PDE10A: variants seen among roughly 807,000 people sequenced by gnomAD.
PDE10A encodes the protein phosphodiesterase 10A.
PDE10A carries 39 observed loss-of-function variants against 97.7 expected under a neutral mutation model. The observed-to-expected ratio is 0.40, with a 90% CI of 0.31 to 0.52. The LOEUF is 0.52. Among genes scored for constraint, PDE10A ranks in the 20% least tolerant of loss-of-function variants. PDE10A has a pLI of 0.56. For synonymous variants in PDE10A, 371 were observed against 376.8 expected, an observed-to-expected ratio of 0.98 and a Z score of 0.18; for missense variants, 731 against 1,047.8, an observed-to-expected ratio of 0.70 and a Z score of 4.17.
intron 1 of PDE10A, among the ~76,000 whole-genome samples, chr6:165,624,899 G>A (rs73786685): frequency 0.011 from 1,722 of 152,360 alleles, 31 homozygotes; most frequent in African/African-American, 0.039. Context: ...GAGTTAGTCT[G>A]GGGAGACCCG....
intron 3 of PDE10A, among the ~76,000 whole-genome samples, chr6:165,460,221 C>A (rs1451691180): frequency 1.3e-5 from 2 of 152,134 alleles, no homozygotes; most frequent in African/African-American, 2.4e-5. Flanking sequence ...CCCTTGCCAG[C>A]GGGTACAATA....
At chr6:165,751,240 G>T (rs1173991410) in intron 1 of PDE10A, among the ~76,000 whole-genome samples, 1 of 152,196 alleles carries the variant, frequency 6.6e-6, no homozygotes, top group African/African-American at 2.4e-5. Context: ...TTGGCCCTTG[G>T]ATTCTATGAG....
chr6:165,958,569 GACA>G (rs1784238793), intron 1 of PDE10A, among the ~76,000 whole-genome samples: 1 of 13,344 alleles, frequency 7.5e-5, no homozygotes, highest in Non-Finnish European at 1.7e-4. Flanking sequence ...AAGAAAGACA[GACA>G]GAAAGAAAGA....
At chr6:165,965,351 G>A (rs558189844) in intron 1 of PDE10A, among the ~76,000 whole-genome samples, 1 of 152,186 alleles carries the variant, frequency 6.6e-6, no homozygotes. Context: ...CACTGGTGGG[G>A]CAGACACAAG....
intron 1 of PDE10A, among the ~76,000 whole-genome samples, chr6:165,891,067 G>A (rs1478872122): frequency 3.3e-5 from 5 of 152,166 alleles, no homozygotes; most frequent in Non-Finnish European, 7.3e-5. Context: ...GTTGAAGCCC[G>A]TGGAGAGGAT....
intron 2 of PDE10A, among the ~76,000 whole-genome samples, chr6:165,511,817 T>C (rs1030541820): frequency 1.3e-5 from 2 of 152,094 alleles, no homozygotes; most frequent in Non-Finnish European, 2.9e-5. Flanking sequence ...CTGTTTTATC[T>C]GATGTAAGTA....
At chr6:165,889,746 C>G (rs1037430097) in intron 1 of PDE10A, among the ~76,000 whole-genome samples, 5 of 152,048 alleles carry the variant, frequency 3.3e-5, no homozygotes, top group African/African-American at 1.2e-4. Flanking sequence ...TCTAGACTAA[C>G]ACGGCACAGG....
At chr6:165,688,773 A>G (rs1791192335) in intron 1 of PDE10A, among the ~76,000 whole-genome samples, 1 of 152,168 alleles carries the variant, frequency 6.6e-6, no homozygotes, top group Non-Finnish European at 1.5e-5. Context: ...AAACTCTAAA[A>G]AGCCATCCAA....
chr6:165,797,018 T>G (rs1778848357), intron 1 of PDE10A, among the ~76,000 whole-genome samples: 1 of 152,240 alleles, frequency 6.6e-6, no homozygotes. Flanking sequence ...ACTGGAATAC[T>G]TTGAGAGTGA....
chr6:165,862,802 C>A lies in PDE10A; in HGVS notation c.-615+124727G>T, dbSNP rs565492233. On this transcript the variant is annotated intron_variant, in intron 1 of 19. Transcript: ENST00000366882. ...CAAGCAATTCTCCTGCCTCAGCCTC[C>A]CAAGTAGCTGGGACTACAGGCATGC... Among the ~76,000 whole-genome samples, 35 of 152,158 alleles carry A rather than the reference C, an allele frequency of 2.3e-4. 1 individual carries two copies. The South Asian group carries it at 7.3e-3, about 32-fold the overall frequency.
At chr6:165,914,180 A>G (rs1782541731) in intron 1 of PDE10A, among the ~76,000 whole-genome samples, 1 of 152,234 alleles carries the variant, frequency 6.6e-6, no homozygotes, top group Non-Finnish European at 1.5e-5. Flanking sequence ...AAGCTGTGTT[A>G]TCACACAGCT....
intron 1 of PDE10A, among the ~76,000 whole-genome samples, chr6:165,946,046 G>A (rs886791917): frequency 7.1e-6 from 1 of 141,458 alleles, no homozygotes; most frequent in Non-Finnish European, 1.5e-5. Flanking sequence ...TGCTTTTGTT[G>A]CCTGTGCTTT....
At chr6:165,846,516 C>G (rs1368965188) in intron 1 of PDE10A, among the ~76,000 whole-genome samples, 1 of 152,238 alleles carries the variant, frequency 6.6e-6, no homozygotes, top group Non-Finnish European at 1.5e-5. Flanking sequence ...TTAGAGTTAG[C>G]GGCTCCGCGT....
At chr6:165,826,030 C>T (rs1779731805) in intron 1 of PDE10A, among the ~76,000 whole-genome samples, 1 of 152,210 alleles carries the variant, frequency 6.6e-6, no homozygotes, top group Non-Finnish European at 1.5e-5. Flanking sequence ...GAGACACCCC[C>T]TGTGACCTCA....
intron 13 of PDE10A, among the ~76,000 whole-genome samples, chr6:165,403,997 T>C (rs756398575): frequency 6.6e-6 from 1 of 152,236 alleles, no homozygotes; most frequent in Admixed American, 6.5e-5. Context: ...ATATGTTCTA[T>C]TGTTTGATAG....
At chr6:165,602,446 T>C (rs559677853) in intron 1 of PDE10A, among the ~76,000 whole-genome samples, 46 of 152,276 alleles carry the variant, frequency 3.0e-4, no homozygotes, top group Non-Finnish European at 5.7e-4. Context: ...CCCTTCCACA[T>C]GTGCAATTTC....
chr6:165,459,430 T>C (rs980343734), intron 3 of PDE10A, among the ~76,000 whole-genome samples: 1 of 151,974 alleles, frequency 6.6e-6, no homozygotes, highest in Non-Finnish European at 1.5e-5. Flanking sequence ...TAGTAGAAAA[T>C]GGCATTTAAA....
chr6:165,760,480 A>T (rs1562722649), intron 1 of PDE10A, among the ~76,000 whole-genome samples: 2 of 152,236 alleles, frequency 1.3e-5, no homozygotes, highest in African/African-American at 4.8e-5. Flanking sequence ...TGTTTAGCAG[A>T]TTGGACCAGA....
At chr6:165,682,188 G>A (rs1790995579) in intron 1 of PDE10A, among the ~76,000 whole-genome samples, 1 of 152,160 alleles carries the variant, frequency 6.6e-6, no homozygotes, top group Non-Finnish European at 1.5e-5. Flanking sequence ...CTGGAGTGCA[G>A]TGGCTGCGAT....
Sources: gnomAD v4.1 joint callset for allele counts (sites outside exome capture counted in the v4.1 genomes callset) on GRCh38, gnomAD v4.1.1 for gene constraint, MANE v1.5 for transcripts, NCBI Gene and HGNC (gene_info 2026-07-23, HGNC 2026-07-21) for gene names.